The following MDM1 variants were observed in gnomAD, a reference collection of about 807,000 sequenced individuals.
MDM1 encodes the protein Mdm1 nuclear protein.
MDM1 carries 61 observed loss-of-function variants against 89.1 expected under a neutral mutation model. The observed-to-expected ratio is 0.68, with a 90% CI of 0.56 to 0.85. The LOEUF (loss-of-function observed/expected upper bound fraction) is 0.85. Ranked by LOEUF, MDM1 falls within the 40% of genes least tolerant of loss-of-function variation. MDM1 has a pLI of 0.00. For synonymous variants in MDM1, 290 were observed against 294.1 expected, an observed-to-expected ratio of 0.99 and a Z score of 0.14; for missense variants, 820 against 846.5, an observed-to-expected ratio of 0.97 and a Z score of 0.39.
At chr12:68,319,970 C>T (rs1018766043) in intron 7 of MDM1, among the ~76,000 whole-genome samples, 7 of 152,276 alleles carry the variant, frequency 4.6e-5, no homozygotes, top group Admixed American at 3.9e-4. Flanking sequence ...TTAAAGAAAT[C>T]GCTGCTCGGC....
At position 68,332,261 on chromosome 12, in the gene MDM1, A is replaced by G; in HGVS notation, c.-16T>C. 1 of 1,581,926 alleles carries G rather than the reference A, an allele frequency of 6.3e-7. No individual in the cohort carries two copies. Among genetic ancestry groups the G allele is most frequent in the Non-Finnish European group, 8.6e-7 (1 of 1,164,932 alleles). On this transcript the variant is annotated 5_prime_UTR_variant, in exon 1 of 15. Transcript: ENST00000682720. ...GCACCGGCATGTCGCCCGGCGCCGG[A>G]GCCCCCGCTACTCCGACAGTTAACT...
intron 10 of MDM1, 108 bp downstream of exon 10, chr12:68,314,840 A>T: frequency 1.0e-6 from 1 of 964,560 alleles, no homozygotes; most frequent in Non-Finnish European, 1.6e-6. Context: ...TAAAATCTGC[A>T]ATTTATTAGT....
intron 13 of MDM1, among the ~76,000 whole-genome samples, 199 bp downstream of exon 13, chr12:68,302,421 T>C (rs1321452431): frequency 6.6e-6 from 1 of 152,166 alleles, no homozygotes; most frequent in Non-Finnish European, 1.5e-5. Context: ...CTCACACATA[T>C]ATAACAGCAA....
At position 68,313,726 on chromosome 12, in the gene MDM1, T is replaced by C. The variant is rs747277699; in HGVS notation, c.1557A>G (p.Lys519=). Residue 519 remains lysine, a synonymous_variant, in exon 11 of 15, where the codon AAA becomes AAG. Coordinates refer to ENST00000682720, the MANE Select transcript of MDM1 (RefSeq NM_001354969.2). Reference sequence around the variant, plus strand: ...GCTTGGGAGTAGGAAGCCGGCCTCCTTTTTCTGAGGATACAGAAGAATCTG... The same window carrying C: ...GCTTGGGAGTAGGAAGCCGGCCTCCCTTTTCTGAGGATACAGAAGAATCTG... ...EGSDSSVSSE[K]GGRLPTPKLR... 2.5e-6 allele frequency: 4 copies of C among 1,613,450 alleles called. No homozygotes were observed.
In MDM1 at chr12:68,301,742, GA is replaced by G. The variant is rs1872191300; in HGVS notation, c.2002+877del. ...AGGAGCCCTAGAAAGAGGAAATAGAGAAAGGAGAGAAATTTTTTTTTTTTGG... is the reference window on the plus strand; with the variant it reads ...AGGAGCCCTAGAAAGAGGAAATAGAGAAGGAGAGAAATTTTTTTTTTTTGG... On this transcript the variant is annotated intron_variant, in intron 13 of 14. Coordinates refer to ENST00000682720, the MANE Select transcript of MDM1 (RefSeq NM_001354969.2). Among the ~76,000 whole-genome samples, 4 of 152,004 alleles carry G rather than the reference GA, an allele frequency of 2.6e-5. No homozygotes were observed. In the South Asian group the frequency reaches 8.3e-4, roughly 32 times the overall value.
At position 68,332,260 on chromosome 12, in the gene MDM1, G is replaced by A. The variant is rs575599732; in HGVS notation, c.-15C>T. 8.8e-6 allele frequency: 14 copies of A among 1,582,396 alleles called. No individual in the cohort carries two copies. The highest frequency in any genetic ancestry group is 5.4e-5 in the African/African-American group (4 of 74,240). On this transcript the variant is annotated 5_prime_UTR_variant, in exon 1 of 15. Coordinates refer to ENST00000682720, the MANE Select transcript of MDM1 (RefSeq NM_001354969.2). ...CGCACCGGCATGTCGCCCGGCGCCG[G>A]AGCCCCCGCTACTCCGACAGTTAAC...
rs1392916307 is a variant in MDM1, at chr12:68,301,425, T to C, written c.2002+1195A>G. Among the ~76,000 whole-genome samples, 8 of 152,048 alleles carry C rather than the reference T, an allele frequency of 5.3e-5. No homozygotes were observed. In the East Asian group the frequency reaches 1.5e-3, roughly 29 times the overall value. On this transcript the variant is annotated intron_variant, in intron 13 of 14. Transcript: ENST00000682720. ...GCTAAGCTATGAGGACACAAAGACA[T>C]ACAGAGTGATACGATAGACTGTGGG...
chr12:68,328,663 T>C (rs1876357163), intron 2 of MDM1, among the ~76,000 whole-genome samples: 1 of 150,138 alleles, frequency 6.7e-6, no homozygotes, highest in Admixed American at 6.6e-5. Flanking sequence ...AGATCACCAA[T>C]TAGACTCCTC....
chr12:68,321,604 T>C lies in MDM1; in HGVS notation c.826A>G (p.Lys276Glu). Reference sequence around the variant, plus strand: ...TTTAATTCCATCTCTGCTTCCAATTTTAAACGATCGTCTATTTTATTACTC... The same window carrying C: ...TTTAATTCCATCTCTGCTTCCAATTCTAAACGATCGTCTATTTTATTACTC... ...RKSNKIDDRL[K>E]LEAEMELKDL... The change falls in exon 6 of 15, where the codon AAA (lysine) becomes GAA (glutamate). Residue 276 changes from lysine to glutamate, a missense_variant. Coordinates refer to ENST00000682720, the MANE Select transcript of MDM1 (RefSeq NM_001354969.2). The C allele has an allele frequency of 6.2e-7, 1 of 1,611,842 alleles. No homozygotes were observed. Among genetic ancestry groups the C allele is most frequent in the East Asian group, 2.2e-5 (1 of 44,812 alleles).
intron 12 of MDM1, among the ~76,000 whole-genome samples, chr12:68,310,738 C>T (rs1162212956): frequency 6.6e-6 from 1 of 152,224 alleles, no homozygotes. Flanking sequence ...GTAGAGGGTG[C>T]TCTGATCCCA....
At chr12:68,331,026 T>C (rs969129004) in intron 2 of MDM1, 81 bp downstream of exon 2, 6 of 776,086 alleles carry the variant, frequency 7.7e-6, no homozygotes, top group Non-Finnish European at 1.4e-5. Context: ...GCCCAAGGTT[T>C]ACTTAGCCCA....
At chr12:68,331,008 TA>T in intron 2 of MDM1, 98 bp downstream of exon 2, 1 of 704,640 alleles carries the variant, frequency 1.4e-6, no homozygotes. Context: ...TATCATTTGG[TA>T]AACTTAGCCC....
chr12:68,308,038 C>T (rs982250596), intron 12 of MDM1, among the ~76,000 whole-genome samples: 28 of 151,232 alleles, frequency 1.9e-4, no homozygotes, highest in Non-Finnish European at 7.4e-5. Context: ...ATTTCCTGCC[C>T]TCTCCCCTTC....
intron 12 of MDM1, among the ~76,000 whole-genome samples, chr12:68,310,594 C>T (rs1873544072): frequency 6.6e-6 from 1 of 152,168 alleles, no homozygotes; most frequent in South Asian, 2.1e-4. Flanking sequence ...TTCCTAATGT[C>T]ACATTTCCTT....
At chr12:68,305,285 A>G (rs759647184) in intron 12 of MDM1, among the ~76,000 whole-genome samples, 43 of 152,188 alleles carry the variant, frequency 2.8e-4, no homozygotes, top group Non-Finnish European at 5.1e-4. Context: ...AATAAGAGCC[A>G]TCTATGACAA....
rs1871178039 is a variant in MDM1, at chr12:68,294,910, A to G, written c.*344T>C. 6.1e-6 allele frequency: 1 copy of G among 162,658 alleles called. No homozygotes were observed. Among genetic ancestry groups the G allele is most frequent in the South Asian group, 1.7e-4 (1 of 5,778 alleles). The allele number at this position is 162,658 out of a possible 1,614,324, so 10.1% of individuals were successfully genotyped here. On this transcript the variant is annotated 3_prime_UTR_variant, in exon 15 of 15. Transcript: ENST00000682720. ...TACATATATCAAATCTTAGGGGAAT[A>G]TATACTTCACACTGGGATCTTAACT...
chr12:68,331,345 C>G, intron 1 of MDM1, 124 bp from the exon 2 acceptor site: 1 of 683,230 alleles, frequency 1.5e-6, no homozygotes, highest in South Asian at 1.7e-5. Context: ...TAAACACAGA[C>G]GAGCTCCTTA....
At position 68,326,984 on chromosome 12, in the gene MDM1, T is replaced by A. The variant is rs767191401; in HGVS notation, c.171A>T (p.Arg57Ser). The A allele has an allele frequency of 1.9e-6, 3 of 1,603,326 alleles. No individual in the cohort carries two copies. In the African/African-American group the frequency reaches 4.0e-5, roughly 22 times the overall value. The change falls in exon 3 of 15, where the codon AGA (arginine) becomes AGT (serine). Residue 57 changes from arginine to serine, a missense_variant. Transcript: ENST00000682720. ...TKEPSFISKR[R>S]VPYHDPQISK... ...AAATCTGTGGGTCATGGTAAGGGAC[T>A]CTTCTTTTTGAAATAAAACTTGGCT...
At chr12:68,306,817 T>C (rs1324369722) in intron 12 of MDM1, among the ~76,000 whole-genome samples, 1 of 152,212 alleles carries the variant, frequency 6.6e-6, no homozygotes, top group Non-Finnish European at 1.5e-5. Context: ...AAATTAGAAC[T>C]ACCATTCAAC....
Sources: gnomAD v4.1 joint callset for allele counts (sites outside exome capture counted in the v4.1 genomes callset) on GRCh38, gnomAD v4.1.1 for gene constraint, MANE v1.5 for transcripts, NCBI Gene and HGNC (gene_info 2026-07-23, HGNC 2026-07-21) for gene names.